The following NADK2 variants were observed in gnomAD, a reference collection of about 807,000 sequenced individuals.
NADK2 encodes NAD kinase domain-containing protein 1, mitochondrial.
In NADK2, 35 loss-of-function variants were observed where a neutral mutation model predicts 62.1. The observed-to-expected ratio is 0.56, with a 90% confidence interval of 0.43 to 0.75. NADK2 has a LOEUF of 0.75. Among genes scored for constraint, NADK2 ranks in the 30% least tolerant of loss-of-function variants. The probability of loss-of-function intolerance (pLI) is 0.00; values close to 1 mark genes in which losing one functional copy is unlikely to be tolerated. For missense variants in NADK2, 439 were observed against 561.3 expected, an observed-to-expected ratio of 0.78 and a Z score of 2.20; for synonymous variants, 205 against 207.9, an observed-to-expected ratio of 0.99 and a Z score of 0.12.
intron 1 of NADK2, among the ~76,000 whole-genome samples, chr5:36,239,043 A>G (rs1001159112): frequency 7.2e-5 from 11 of 152,164 alleles, no homozygotes; most frequent in African/African-American, 2.7e-4. Context: ...GACCTGTTTT[A>G]CATCAAAAAA....
At chr5:36,227,611 CATG>C in intron 1 of NADK2, 46 bp from the exon 2 acceptor site, 1 of 1,041,770 alleles carries the variant, frequency 9.6e-7, no homozygotes, top group Non-Finnish European at 1.3e-6. Flanking sequence ...ATATATTACA[CATG>C]ATGTTCTAAT....
At position 36,236,010 on chromosome 5, in the gene NADK2, TAA is replaced by T. The variant is rs548030229; in HGVS notation, c.300+5487_300+5488del. On this transcript the variant is annotated intron_variant, in intron 1 of 11. Coordinates refer to ENST00000381937, the MANE Select transcript of NADK2 (RefSeq NM_001085411.3). ...TACAAAGTTCACTGATAGTGACAAATAAAGTCAATTTACACTTTACTAGTTGA... is the reference window on the plus strand; with the variant it reads ...TACAAAGTTCACTGATAGTGACAAATAGTCAATTTACACTTTACTAGTTGA... Among the ~76,000 whole-genome samples, 30 of 152,104 alleles carry T rather than the reference TAA, an allele frequency of 2.0e-4. No individual in the cohort carries two copies. The East Asian group carries it at 5.6e-3, about 28-fold the overall frequency.
intron 10 of NADK2, among the ~76,000 whole-genome samples, chr5:36,198,613 A>T (rs1219528167): frequency 6.8e-6 from 1 of 147,958 alleles, no homozygotes; most frequent in Non-Finnish European, 1.5e-5. Context: ...ATATAAATTA[A>T]TATATATATA....
chr5:36,211,956 T>C (rs747087739), intron 6 of NADK2, 34 bp from the exon 7 acceptor site: 1 of 1,471,314 alleles, frequency 6.8e-7, no homozygotes, highest in Non-Finnish European at 9.4e-7. Context: ...AAATCCAAGA[T>C]AGCTCCTTGA....
chr5:36,211,928 T>A lies in NADK2; in HGVS notation c.782-6A>T. ...GGGTCCTGAAGCCTCAGACCCTGCA[T>A]GTAATTTAAGACAAAGAAAATCCAA... On this transcript the variant is annotated splice_region_variant and splice_polypyrimidine_tract_variant and intron_variant, in intron 6 of 11. Transcript: ENST00000381937. The A allele has an allele frequency of 5.0e-6, 8 of 1,607,158 alleles. No individual in the cohort carries two copies. Among genetic ancestry groups the A allele is most frequent in the Non-Finnish European group, 5.9e-6 (7 of 1,177,240 alleles).
At chr5:36,201,757 T>C (rs1468449942) in intron 8 of NADK2, among the ~76,000 whole-genome samples, 1 of 152,006 alleles carries the variant, frequency 6.6e-6, no homozygotes, top group African/African-American at 2.4e-5. Context: ...GTATACCCTT[T>C]TGTACTTTTT....
chr5:36,236,883 A>AC (rs1037986733), intron 1 of NADK2, among the ~76,000 whole-genome samples: 3 of 151,622 alleles, frequency 2.0e-5, no homozygotes, highest in Non-Finnish European at 4.4e-5. Context: ...AAAAAAAAAA[A>AC]AAAACAGGAA....
In NADK2 at chr5:36,194,943, G is replaced by T; in HGVS notation, c.*201C>A. 2.1e-6 allele frequency: 1 copy of T among 477,668 alleles called. No homozygotes were observed. The highest frequency in any genetic ancestry group is 3.6e-6 in the Non-Finnish European group (1 of 278,852). The allele number at this position is 477,668 out of a possible 1,614,324, so 29.6% of individuals were successfully genotyped here. On this transcript the variant is annotated 3_prime_UTR_variant, in exon 12 of 12. Transcript: ENST00000381937. ...AATTTCACTGGTATCAATTCTAATT[G>T]GTTCAGTCCATCCATTTTCTTATAC...
At chr5:36,224,462 C>T (rs1747400312) in intron 4 of NADK2, among the ~76,000 whole-genome samples, 1 of 150,362 alleles carries the variant, frequency 6.7e-6, no homozygotes, top group African/African-American at 2.5e-5. Context: ...GAGGCTGAGG[C>T]AGAAGAATTG....
chr5:36,234,956 G>A (rs1253869286), intron 1 of NADK2, among the ~76,000 whole-genome samples: 1 of 152,060 alleles, frequency 6.6e-6, no homozygotes, highest in Non-Finnish European at 1.5e-5. Flanking sequence ...TGTAATAGAT[G>A]TTTCCCATGT....
chr5:36,207,280 T>C lies in NADK2; in HGVS notation c.861-15A>G. On this transcript the variant is annotated splice_polypyrimidine_tract_variant and intron_variant, in intron 7 of 11. Coordinates refer to ENST00000381937, the MANE Select transcript of NADK2 (RefSeq NM_001085411.3). ...AGTAGGAAGCCCTGTGAATTGAGAA[T>C]ATAAAACTGTTTGCTGAGCTTATGG... 6.3e-7 allele frequency: 1 copy of C among 1,582,194 alleles called. No homozygotes were observed. The highest frequency in any genetic ancestry group is 8.7e-7 in the Non-Finnish European group (1 of 1,153,422).
intron 7 of NADK2, among the ~76,000 whole-genome samples, chr5:36,209,860 G>T (rs991032): frequency 0.93 from 141,902 of 152,202 alleles, 66,601 homozygotes; most frequent in Non-Finnish European, 0.98. Flanking sequence ...ACATGCATGA[G>T]GTATTTTTGT....
chr5:36,217,601 A>C lies in NADK2; in HGVS notation c.781+147T>G, dbSNP rs541369234. 27 of 825,744 alleles carry C rather than the reference A, an allele frequency of 3.3e-5. No individual in the cohort carries two copies. In the East Asian group the frequency reaches 6.5e-4, roughly 20 times the overall value. 51.2% of individuals were successfully genotyped at this position (825,744 alleles called of 1,614,324 possible). ...TATTATTTACTTCAGATTCTAATAA[A>C]CTTTACAACTGAAGTAATTCACTGT... On this transcript the variant is annotated intron_variant, in intron 6 of 11. Coordinates refer to ENST00000381937, the MANE Select transcript of NADK2 (RefSeq NM_001085411.3).
At chr5:36,211,409 G>A (rs1746836721) in intron 7 of NADK2, among the ~76,000 whole-genome samples, 1 of 152,026 alleles carries the variant, frequency 6.6e-6, no homozygotes, top group East Asian at 1.9e-4. Flanking sequence ...TAAAAAATTA[G>A]GTAGGTGTGG....
Position 36,219,696 on chromosome 5 carries a change from A to AT in NADK2, c.561-18dup. 6.2e-7 allele frequency: 1 copy of AT among 1,604,872 alleles called. No homozygotes were observed. The stretch of plus-strand genomic sequence containing the variant: ...CCCTCAGACCTATATTTTAACAGGA[A>AT]TTTTTTGGTGATATAAAGAGGAAAA... On this transcript the variant is annotated splice_polypyrimidine_tract_variant and intron_variant, in intron 4 of 11. Transcript: ENST00000381937.
At position 36,241,558 on chromosome 5, in the gene NADK2, C is replaced by G. The variant is rs1414047555; in HGVS notation, c.241G>C (p.Glu81Gln). The G allele has an allele frequency of 1.3e-6, 2 of 1,560,586 alleles. No homozygotes were observed. Among genetic ancestry groups the G allele is most frequent in the Non-Finnish European group, 8.6e-7 (1 of 1,162,840 alleles). The change falls in exon 1 of 12, where the codon GAG becomes CAG. Residue 81 changes from glutamate (E) to glutamine (Q), a missense_variant. By Grantham distance (29) the Glu-to-Gln change is conservative. Transcript: ENST00000381937. This position sits in a 1 kb window ranked among gnomAD's most constrained non-coding sequence, Gnocchi z 4.9. ...VVVVAKTTRY[E>Q]FEQQRYRYAE... ...TAACGGTACCGCTGCTGCTCGAACT[C>G]GTACCGGGTGGTTTTGGCCACCACC...
At chr5:36,220,120 C>T (rs1747209693) in intron 4 of NADK2, among the ~76,000 whole-genome samples, 1 of 152,162 alleles carries the variant, frequency 6.6e-6, no homozygotes, top group South Asian at 2.1e-4. Flanking sequence ...TCAGGATAAA[C>T]CAGCAATCTC....
chr5:36,225,282 T>C (rs1212657794), intron 4 of NADK2, among the ~76,000 whole-genome samples: 1 of 152,214 alleles, frequency 6.6e-6, no homozygotes, highest in African/African-American at 2.4e-5. Flanking sequence ...AGAATGCTTC[T>C]GGAACATGGT....
chr5:36,230,615 CAAG>C (rs1747671906), intron 1 of NADK2, among the ~76,000 whole-genome samples: 1 of 152,140 alleles, frequency 6.6e-6, no homozygotes, highest in Non-Finnish European at 1.5e-5. Context: ...TCCAGAAAAG[CAAG>C]AATAGTGCAG....
Sources: allele counts gnomAD v4.1 joint callset (sites outside exome capture counted in the v4.1 genomes callset), GRCh38; gene constraint gnomAD v4.1.1; non-coding constraint Gnocchi (gnomAD v3.1); transcripts MANE v1.5; gene names NCBI Gene and HGNC (gene_info 2026-07-23, HGNC 2026-07-21).